The following PACS1 variants were observed in gnomAD, a reference collection of about 807,000 sequenced individuals.
The protein encoded by PACS1 is phosphofurin acidic cluster sorting protein 1.
A neutral mutation model predicts 115.0 loss-of-function variants in PACS1; 24 were observed. That is an observed-to-expected ratio of 0.21 (90% CI 0.15 to 0.29). The LOEUF is 0.29. Ranked by LOEUF, PACS1 falls within the 10% of genes least tolerant of loss-of-function variation. The pLI, the probability that PACS1 is intolerant of heterozygous loss-of-function variation, is 1.00. For missense variants in PACS1, 838 were observed against 1,251.2 expected (o/e 0.67, Z 4.98); for synonymous variants, 453 against 504.5 (o/e 0.90, Z 1.37).
At chr11:66,219,721 A>G in intron 7 of PACS1, 25 bp from the exon 8 acceptor site, 1 of 1,600,180 alleles carries the variant, frequency 6.2e-7, no homozygotes, top group Non-Finnish European at 8.6e-7. Context: ...GTTGCTGAGA[A>G]CTGTCATGCG....
At chr11:66,096,864 T>C (rs1342908064) in intron 1 of PACS1, among the ~76,000 whole-genome samples, 1 of 147,732 alleles carries the variant, frequency 6.8e-6, no homozygotes, top group Non-Finnish European at 1.5e-5. Flanking sequence ...CCTCTCTCTC[T>C]CTTTTTTTTT....
rs983093769 is a variant in PACS1 at position 66,088,937 on chromosome 11, C to G, written c.356+18095C>G. Among the ~76,000 whole-genome samples the G allele has an allele frequency of 4.6e-5, 7 of 152,044 alleles. No individual in the cohort carries two copies. In the South Asian group the frequency reaches 1.2e-3, roughly 27 times the overall value. ...TTGCATATTTTAGCATATAAGTATTCTGTACTTTTCTTTAGATGTATTCCT... is the reference window on the plus strand; with the variant it reads ...TTGCATATTTTAGCATATAAGTATTGTGTACTTTTCTTTAGATGTATTCCT... On this transcript the variant is annotated intron_variant, in intron 1 of 23. Coordinates refer to ENST00000320580, the MANE Select transcript of PACS1 (RefSeq NM_018026.4).
intron 1 of PACS1, among the ~76,000 whole-genome samples, chr11:66,124,491 A>G (rs991382536): frequency 6.6e-6 from 1 of 152,230 alleles, no homozygotes; most frequent in Non-Finnish European, 1.5e-5. Context: ...TAATTGGTTC[A>G]TTCAGGATAA....
At chr11:66,194,151 A>T (rs1854595650) in intron 2 of PACS1, among the ~76,000 whole-genome samples, 1 of 152,038 alleles carries the variant, frequency 6.6e-6, no homozygotes, top group African/African-American at 2.4e-5. Context: ...TTTTTAGTAG[A>T]GACAGGGTTT....
intron 1 of PACS1, chr11:66,100,850 C>T (rs917897915): frequency 2.2e-6 from 1 of 456,134 alleles, no homozygotes; most frequent in Non-Finnish European, 4.4e-6. Context: ...ATGGCCTTTC[C>T]ACGTGGCTGC....
At chr11:66,107,058 G>A (rs538215925) in intron 1 of PACS1, among the ~76,000 whole-genome samples, 1 of 152,156 alleles carries the variant, frequency 6.6e-6, no homozygotes, top group African/African-American at 2.4e-5. Context: ...AGGTTTAGCA[G>A]TTGGGAAGAC....
chr11:66,231,723 C>G (rs1340679095), intron 13 of PACS1: 1 of 175,860 alleles, frequency 5.7e-6, no homozygotes, highest in African/African-American at 2.4e-5. Context: ...ACCTTTTGTT[C>G]CCTCAGACAG....
intron 1 of PACS1, among the ~76,000 whole-genome samples, chr11:66,086,349 A>G (rs1018468071): frequency 1.3e-5 from 2 of 152,058 alleles, no homozygotes; most frequent in East Asian, 3.9e-4. Flanking sequence ...TGTGTTAGCC[A>G]GGATGGTCTC....
intron 1 of PACS1, among the ~76,000 whole-genome samples, chr11:66,140,266 G>A (rs1858947091): frequency 6.6e-6 from 1 of 152,206 alleles, no homozygotes; most frequent in South Asian, 2.1e-4. Flanking sequence ...CTACAGCTGT[G>A]CTTGCAAACC....
intron 1 of PACS1, among the ~76,000 whole-genome samples, chr11:66,118,092 AT>A (rs1858347159): frequency 6.6e-6 from 1 of 152,218 alleles, no homozygotes; most frequent in Admixed American, 6.5e-5. Flanking sequence ...TGTTTGGATT[AT>A]TCATCTACGT....
intron 21 of PACS1, 63 bp from the exon 22 acceptor site, chr11:66,241,364 C>G: frequency 7.7e-7 from 1 of 1,300,442 alleles, no homozygotes; most frequent in South Asian, 1.4e-5. Context: ...CCTACCCCAT[C>G]AGGCCTATGT....
In PACS1 at chr11:66,070,630, C is replaced by G. The variant is rs1444322391; in HGVS notation, c.144C>G (p.Pro48=). The G allele has an allele frequency of 2.6e-6, 4 of 1,548,500 alleles. No homozygotes were observed. Among genetic ancestry groups the G allele is most frequent in the East Asian group, 2.5e-5 (1 of 39,248 alleles). ...AGCCGCCGCAGCAGCCGACGCCCCC[C>G]AAGCTGGCCCAGGCCACCTCGTCGT... ...QQQPPQQPTP[P]KLAQATSSSS... Residue 48 remains proline (P), a synonymous_variant, in exon 1 of 24, where the codon CCC becomes CCG. Coordinates refer to ENST00000320580, the MANE Select transcript of PACS1 (RefSeq NM_018026.4). The surrounding 1 kb of genome is among the most constrained non-coding windows in gnomAD (Gnocchi z 5.9).
intron 7 of PACS1, chr11:66,217,489 AT>A (rs1855240819): frequency 2.2e-6 from 1 of 451,732 alleles, no homozygotes; most frequent in Admixed American, 2.4e-5. Flanking sequence ...ACCCAGAGGC[AT>A]CCTGATTCTC....
intron 7 of PACS1, chr11:66,217,552 C>T (rs925450688): frequency 8.8e-6 from 4 of 456,114 alleles, no homozygotes; most frequent in African/African-American, 4.0e-5. Flanking sequence ...GAGATGCCCA[C>T]CCCTTCAGGG....
intron 10 of PACS1, among the ~76,000 whole-genome samples, chr11:66,225,668 C>T (rs1209990584): frequency 6.6e-6 from 1 of 152,202 alleles, no homozygotes; most frequent in Non-Finnish European, 1.5e-5. Flanking sequence ...AATGTTGCAG[C>T]TTTGACATGG....
At position 66,221,308 on chromosome 11, in the gene PACS1, T is replaced by C. The variant is rs1855341113; in HGVS notation, c.1293+61T>C. ...CGTGGCATGTCAGGGCTCGACGCTC[T>C]GGCCCTCTGCATCTCTGATCAGGGC... is the stretch of plus-strand genomic sequence containing the variant. On this transcript the variant is annotated intron_variant, in intron 10 of 23. Coordinates refer to ENST00000320580, the MANE Select transcript of PACS1 (RefSeq NM_018026.4). The C allele has an allele frequency of 4.3e-6, 6 of 1,389,766 alleles. No individual in the cohort carries two copies. The Admixed American group carries it at 8.4e-5, about 20-fold the overall frequency. 86.1% of individuals were successfully genotyped at this position (1,389,766 alleles called of 1,614,324 possible).
At chr11:66,229,663 A>G (rs1455552084) in intron 11 of PACS1, among the ~76,000 whole-genome samples, 1 of 152,142 alleles carries the variant, frequency 6.6e-6, no homozygotes, top group Non-Finnish European at 1.5e-5. Context: ...TGGGCGACAG[A>G]GCAAGACTCC....
At chr11:66,180,366 G>A (rs1451150254) in intron 1 of PACS1, among the ~76,000 whole-genome samples, 2 of 149,894 alleles carry the variant, frequency 1.3e-5, no homozygotes, top group African/African-American at 4.9e-5. Context: ...TTTTTTGTGT[G>A]TGTGTGTGAA....
intron 1 of PACS1, among the ~76,000 whole-genome samples, chr11:66,172,017 G>T (rs923788571): frequency 5.7e-4 from 87 of 152,116 alleles, no homozygotes; most frequent in African/African-American, 2.0e-3. Flanking sequence ...ACAATTAAAG[G>T]CCCTAAAAAA....
Sources: gnomAD v4.1 joint callset for allele counts (sites outside exome capture counted in the v4.1 genomes callset) on GRCh38, gnomAD v4.1.1 for gene constraint, Gnocchi (gnomAD v3.1) non-coding constraint, MANE v1.5 for transcripts, NCBI Gene and HGNC (gene_info 2026-07-23, HGNC 2026-07-21) for gene names.